The following DSC2 variants were observed in gnomAD, a reference collection of about 807,000 sequenced individuals.
DSC2 encodes desmocollin 2, also known as desmocollin-2.
A neutral mutation model predicts 87.6 loss-of-function variants in DSC2; 51 were observed. The ratio of observed to expected loss-of-function variants is 0.58; its 90% CI spans 0.46 to 0.74. The LOEUF is 0.74. DSC2 is among the 30% of genes least tolerant of loss of function. The pLI, the probability that DSC2 is intolerant of heterozygous loss-of-function variation, is 0.00. For missense variants in DSC2, 1,066 were observed against 1,089.5 expected (o/e 0.98, Z 0.30); for synonymous variants, 383 against 393.2 (o/e 0.97, Z 0.31).
chr18:31,098,503 G>A (rs901126532), intron 1 of DSC2, among the ~76,000 whole-genome samples: 6 of 152,002 alleles, frequency 3.9e-5, no homozygotes, highest in East Asian at 3.9e-4. Flanking sequence ...TGTCCAGGCC[G>A]GAGTGCAGTG....
At chr18:31,071,431 C>T (rs1471669373) in intron 13 of DSC2, among the ~76,000 whole-genome samples, 174 bp downstream of exon 13, 1 of 152,090 alleles carries the variant, frequency 6.6e-6, no homozygotes, top group African/African-American at 2.4e-5. Context: ...CCTGTAATCC[C>T]AGCTACTCGG....
intron 1 of DSC2, among the ~76,000 whole-genome samples, chr18:31,094,731 T>C (rs1442782153): frequency 6.6e-6 from 1 of 152,206 alleles, no homozygotes; most frequent in African/African-American, 2.4e-5. Context: ...TAATTACATT[T>C]GAAGGATCAA....
Position 31,067,398 on chromosome 18 carries a change from G to C in DSC2, c.*617C>G, listed in dbSNP as rs576421564. ...AACTTAAATTTCACTGGCAAAAGTA[G>C]GTAACAGAGGAGACACAGATTCAGT... is the stretch of plus-strand genomic sequence containing the variant. On this transcript the variant is annotated 3_prime_UTR_variant, in exon 16 of 16. Coordinates refer to ENST00000280904, the MANE Select transcript of DSC2 (RefSeq NM_024422.6). The C allele has an allele frequency of 2.0e-4, 30 of 152,166 alleles. No individual in the cohort carries two copies. Among genetic ancestry groups the C allele is most frequent in the African/African-American group, 6.5e-4 (27 of 41,540 alleles). The allele number at this position is 152,166 out of a possible 1,614,324, so 9.4% of individuals were successfully genotyped here. A position where few individuals can be genotyped will look rare whatever the true frequency, so the allele number is the denominator to read the frequency against.
Position 31,066,626 on chromosome 18 carries a change from T to A in DSC2, c.*1389A>T, listed in dbSNP as rs965885003. 6.6e-6 allele frequency: 1 copy of A among 152,094 alleles called. No individual in the cohort carries two copies. The highest frequency in any genetic ancestry group is 1.5e-5 in the Non-Finnish European group (1 of 67,958). 9.4% of individuals were successfully genotyped at this position (152,094 alleles called of 1,614,324 possible). A position where few individuals can be genotyped will look rare whatever the true frequency, so the allele number is the denominator to read the frequency against. On this transcript the variant is annotated 3_prime_UTR_variant, in exon 16 of 16. Transcript: ENST00000280904. ...AAAATGTCCATATGTTTAGTATAAA[T>A]AGAAAATTCATTGACTAAAATAAGT...
rs1598572310 is a variant in DSC2, at chr18:31,070,792, A to C, written c.2184T>G (p.Ile728Met). 1 of 1,613,974 alleles carries C rather than the reference A, an allele frequency of 6.2e-7. No individual in the cohort carries two copies. Among genetic ancestry groups the C allele is most frequent in the East Asian group, 2.2e-5 (1 of 44,846 alleles). The change falls in exon 14 of 16, where the codon ATT (isoleucine) becomes ATG (methionine). Residue 728 changes from isoleucine to methionine, a missense_variant. Coordinates refer to ENST00000280904, the MANE Select transcript of DSC2 (RefSeq NM_024422.6). ...ASGTSKQPKV[I>M]PDDLAQQNLI... ...GGTTCTGCTGGGCTAAATCATCAGG[A>C]ATTACTTTTGGTTGTTTAGACGTCC...
intron 11 of DSC2, 100 bp downstream of exon 11, chr18:31,079,747 G>T: frequency 7.4e-7 from 1 of 1,345,902 alleles, no homozygotes; most frequent in Non-Finnish European, 1.1e-6. Context: ...TATGAAAACA[G>T]AGTGCATGTA....
chr18:31,071,520 TG>T, intron 13 of DSC2, 84 bp downstream of exon 13: 1 of 1,237,458 alleles, frequency 8.1e-7, no homozygotes, highest in Non-Finnish European at 1.2e-6. Context: ...CACTCCAGCC[TG>T]GGCTCTGTCT....
chr18:31,068,933 G>C lies in DSC2; in HGVS notation c.2469C>G (p.Tyr823Ter). 1 of 1,614,050 alleles carries C rather than the reference G, an allele frequency of 6.2e-7. No homozygotes were observed. The highest frequency in any genetic ancestry group is 8.5e-7 in the Non-Finnish European group (1 of 1,180,018). The part of the protein sequence containing the change: ...HTEVDNCRYT[Y>*]SEWHSFTQPR... Reference sequence around the variant, plus strand: ...GCTGAGTAAAACTGTGCCACTCCGAGTAAGTGTATCTGCAGTTGTCCACCT... The same window carrying C: ...GCTGAGTAAAACTGTGCCACTCCGACTAAGTGTATCTGCAGTTGTCCACCT... Residue 823 changes from tyrosine to a stop codon, truncating the protein, a stop_gained, in exon 15 of 16, where the codon TAC becomes TAG. Coordinates refer to ENST00000280904, the MANE Select transcript of DSC2 (RefSeq NM_024422.6). LOFTEE classifies it high-confidence loss of function.
In DSC2 at chr18:31,066,545, C is replaced by T. The variant is rs1986624527; in HGVS notation, c.*1470G>A. 1 of 152,186 alleles carries T rather than the reference C, an allele frequency of 6.6e-6. No individual in the cohort carries two copies. The highest frequency in any genetic ancestry group is 1.5e-5 in the Non-Finnish European group (1 of 67,988). 9.4% of individuals were successfully genotyped at this position (152,186 alleles called of 1,614,324 possible). A position where few individuals can be genotyped will look rare whatever the true frequency, so the allele number is the denominator to read the frequency against. On this transcript the variant is annotated 3_prime_UTR_variant, in exon 16 of 16. Transcript: ENST00000280904. ...TGGCAAATAATTGTTATAACCCAAT[C>T]TTGTGAATTGAAGACAGGCACATTA...
At position 31,066,905 on chromosome 18, in the gene DSC2, T is replaced by C. The variant is rs1358624129; in HGVS notation, c.*1110A>G. 2.0e-5 allele frequency: 3 copies of C among 152,122 alleles called. No homozygotes were observed. Among genetic ancestry groups the C allele is most frequent in the Non-Finnish European group, 2.9e-5 (2 of 67,980 alleles). 9.4% of individuals were successfully genotyped at this position (152,122 alleles called of 1,614,324 possible). On this transcript the variant is annotated 3_prime_UTR_variant, in exon 16 of 16. Coordinates refer to ENST00000280904, the MANE Select transcript of DSC2 (RefSeq NM_024422.6). Reference sequence around the variant, plus strand: ...CCATCACTACTTCACATTTTTAAACTGCATCCTTGCATTACAGAACTGTAA... The same window carrying C: ...CCATCACTACTTCACATTTTTAAACCGCATCCTTGCATTACAGAACTGTAA...
chr18:31,098,044 C>T (rs760696729), intron 1 of DSC2, among the ~76,000 whole-genome samples: 1 of 152,024 alleles, frequency 6.6e-6, no homozygotes, highest in Non-Finnish European at 1.5e-5. Context: ...TTAAATATGA[C>T]CTATGAATAT....
intron 5 of DSC2, among the ~76,000 whole-genome samples, chr18:31,089,072 G>A (rs1425938897): frequency 6.6e-6 from 1 of 150,994 alleles, no homozygotes; most frequent in Non-Finnish European, 1.5e-5. Context: ...GGCTAAGGTG[G>A]GAGGATCACT....
intron 6 of DSC2, 128 bp downstream of exon 6, chr18:31,087,541 G>C (rs1457021581): frequency 8.7e-7 from 1 of 1,143,638 alleles, no homozygotes; most frequent in Non-Finnish European, 1.3e-6. Flanking sequence ...GAAACACAGA[G>C]TAAAATTCCA....
Position 31,060,829 on chromosome 18 carries a change from A to G in DSC2, c.*7186T>C, listed in dbSNP as rs372345472. The G allele has an allele frequency of 2.6e-4, 39 of 152,344 alleles. No homozygotes were observed. Among genetic ancestry groups the G allele is most frequent in the African/African-American group, 9.1e-4 (38 of 41,580 alleles). The allele number at this position is 152,344 out of a possible 1,614,324, so 9.4% of individuals were successfully genotyped here. On this transcript the variant is annotated 3_prime_UTR_variant, in exon 16 of 16. Transcript: ENST00000280904. ...AAGTAGAAACCACAGGGAACAATGT[A>G]CATTCTGAAATGCTTAATTTGCAGA...
At chr18:31,079,404 C>T (rs1005177750) in intron 11 of DSC2, among the ~76,000 whole-genome samples, 2 of 152,040 alleles carry the variant, frequency 1.3e-5, no homozygotes, top group African/African-American at 4.8e-5. Context: ...CAGGTGCATG[C>T]CACTACACCC....
intron 11 of DSC2, 79 bp downstream of exon 11, chr18:31,079,768 A>C: frequency 6.4e-7 from 1 of 1,559,470 alleles, no homozygotes; most frequent in Non-Finnish European, 8.8e-7. Flanking sequence ...TCCAGCTTTA[A>C]AATGTATACT....
chr18:31,068,124 G>A lies in DSC2; in HGVS notation c.2597C>T (p.Ala866Val), dbSNP rs760363798. 6.2e-7 allele frequency: 1 copy of A among 1,613,956 alleles called. No homozygotes were observed. Residue 866 changes from alanine (A) to valine (V), a missense_variant, in exon 16 of 16, where the codon GCT becomes GTT. Coordinates refer to ENST00000280904, the MANE Select transcript of DSC2 (RefSeq NM_024422.6). Reference protein sequence around the residue: ...TYNYEGRGSVAGSVGCCSERQ... With the variant: ...TYNYEGRGSVVGSVGCCSERQ... Reference sequence around the variant, plus strand: ...TTCACTGCAACAACCTACAGACCCAGCCACCGATCCTCTTCCTTCATAGTT... The same window carrying A: ...TTCACTGCAACAACCTACAGACCCAACCACCGATCCTCTTCCTTCATAGTT...
Position 31,069,202 on chromosome 18 carries a change from T to C in DSC2, c.2251-51A>G, listed in dbSNP as rs770575815. The C allele has an allele frequency of 4.3e-6, 7 of 1,611,054 alleles. No homozygotes were observed. The East Asian group carries it at 1.3e-4, about 31-fold the overall frequency. ...GGATAATACAGAGAGGAACACAAAATTATGAAAAAGAACAACATCAAGCGG... is the reference window on the plus strand; with the variant it reads ...GGATAATACAGAGAGGAACACAAAACTATGAAAAAGAACAACATCAAGCGG... On this transcript the variant is annotated intron_variant, in intron 14 of 15. Coordinates refer to ENST00000280904, the MANE Select transcript of DSC2 (RefSeq NM_024422.6).
rs1986560095 is a variant in DSC2, at chr18:31,064,205, T to G, written c.*3810A>C. 1 of 152,134 alleles carries G rather than the reference T, an allele frequency of 6.6e-6. No individual in the cohort carries two copies. The highest frequency in any genetic ancestry group is 1.5e-5 in the Non-Finnish European group (1 of 68,040). 9.4% of individuals were successfully genotyped at this position (152,134 alleles called of 1,614,324 possible). ...TCTGAAGCTTTTTAAAAACATGCAT[T>G]ATGCACTTACTATGTGCCAGGCATT... On this transcript the variant is annotated 3_prime_UTR_variant, in exon 16 of 16. Coordinates refer to ENST00000280904, the MANE Select transcript of DSC2 (RefSeq NM_024422.6).
Sources: allele counts gnomAD v4.1 joint callset (sites outside exome capture counted in the v4.1 genomes callset), GRCh38; gene constraint gnomAD v4.1.1; transcripts MANE v1.5; gene names NCBI Gene and HGNC (gene_info 2026-07-23, HGNC 2026-07-21).